Variants in PKNOX2 observed in about 807,000 individuals in gnomAD.
The protein encoded by PKNOX2 is PBX/knotted 1 homeobox 2, also known as homeobox protein PKNOX2.
PKNOX2 carries 14 observed loss-of-function variants against 53.1 expected under a neutral mutation model. That is an observed-to-expected ratio of 0.26 (90% CI 0.17 to 0.41). The LOEUF (loss-of-function observed/expected upper bound fraction) is 0.41. Ranked by LOEUF, PKNOX2 falls within the 10% of genes least tolerant of loss-of-function variation. The pLI is 1.00. For synonymous variants in PKNOX2, 257 were observed against 242.8 expected, an observed-to-expected ratio of 1.06 and a Z score of -0.54; for missense variants, 496 against 602.8, an observed-to-expected ratio of 0.82 and a Z score of 1.85.
At chr11:125,334,255 A>G (rs1297527145) in intron 3 of PKNOX2, among the ~76,000 whole-genome samples, 2 of 152,148 alleles carry the variant, frequency 1.3e-5, no homozygotes, top group African/African-American at 2.4e-5. Flanking sequence ...GGGAGCCCCA[A>G]ATGCTGATAT....
chr11:125,364,885 G>A (rs968203501), intron 4 of PKNOX2, among the ~76,000 whole-genome samples: 1 of 152,062 alleles, frequency 6.6e-6, no homozygotes, highest in South Asian at 2.1e-4. Context: ...CAGCCACCCA[G>A]CTGAAGCTCC....
chr11:125,383,476 G>T (rs943639601), intron 5 of PKNOX2, among the ~76,000 whole-genome samples: 1 of 148,026 alleles, frequency 6.8e-6, no homozygotes, highest in Non-Finnish European at 1.5e-5. Flanking sequence ...AATTAGTCAG[G>T]CATGATGGCG....
At position 125,166,712 on chromosome 11, in the gene PKNOX2, T is replaced by G. The variant is rs1049417077; in HGVS notation, c.-201+1936T>G. 5.7e-4 allele frequency among the ~76,000 whole-genome samples: 86 copies of G among 152,144 alleles called. 1 individual carries two copies. The highest frequency in any genetic ancestry group is 4.6e-4 in the Admixed American group (7 of 15,278). On this transcript the variant is annotated intron_variant, in intron 1 of 12. Transcript: ENST00000298282. The surrounding 1 kb of genome is among the most constrained non-coding windows in gnomAD (Gnocchi z 4.0). ...CCGGCTCAAACTCCAGTGCCCTGAT[T>G]GGAGCCGCTTCCTGTGCTTACCCGC...
At chr11:125,385,842 G>C in intron 6 of PKNOX2, 120 bp downstream of exon 6, 5 of 1,223,124 alleles carry the variant, frequency 4.1e-6, no homozygotes, top group Non-Finnish European at 5.6e-6. Flanking sequence ...TGCCCACCAT[G>C]AGTCATGCAC....
At position 125,425,624 on chromosome 11, in the gene PKNOX2, C is replaced by A. The variant is rs188006864; in HGVS notation, c.937-3388C>A. On this transcript the variant is annotated intron_variant, in intron 10 of 12. Transcript: ENST00000298282. ...TGATCCAATAATGATCAGAGAGCAG[C>A]CACTGTGCCTTGATGGTTTGCGTGA... 3.1e-4 allele frequency among the ~76,000 whole-genome samples: 47 copies of A among 152,194 alleles called. No homozygotes were observed. The East Asian group carries it at 8.9e-3, about 29-fold the overall frequency.
rs574924247 is a variant in PKNOX2 at position 125,340,103 on chromosome 11, A to G, written c.-23+8178A>G. On this transcript the variant is annotated intron_variant, in intron 3 of 12. Coordinates refer to ENST00000298282, the MANE Select transcript of PKNOX2 (RefSeq NM_001382323.2). Reference sequence around the variant, plus strand: ...AGAGCAAAATGCAATGAAATATTTAACAAAATGTGTACACACACTGCTGTA... The same window carrying G: ...AGAGCAAAATGCAATGAAATATTTAGCAAAATGTGTACACACACTGCTGTA... Among the ~76,000 whole-genome samples the G allele has an allele frequency of 2.0e-5, 3 of 152,326 alleles. No homozygotes were observed. In the South Asian group the frequency reaches 6.2e-4, roughly 32 times the overall value.
chr11:125,333,109 A>G (rs1046059025), intron 3 of PKNOX2, among the ~76,000 whole-genome samples: 1 of 152,174 alleles, frequency 6.6e-6, no homozygotes, highest in Admixed American at 6.5e-5. Flanking sequence ...TGTGTAGCAG[A>G]GTGATGTCAC....
intron 2 of PKNOX2, among the ~76,000 whole-genome samples, chr11:125,250,065 CAAAAAAAAAAAAAAA>C (rs35679690): frequency 1.6e-3 from 75 of 47,000 alleles, no homozygotes; most frequent in African/African-American, 6.3e-3. Context: ...AACTCTGTCT[CAAAAAAAAAAAAAAA>C]AAAAAAAAAA....
Position 125,165,777 on chromosome 11 carries a change from C to G in PKNOX2, c.-201+1001C>G, listed in dbSNP as rs1321825379. ...ATCGGGAGCCCTTCTGGCTCGAGAA[C>G]TAGGGGATGAGTTCGTAAAAGAGGG... On this transcript the variant is annotated intron_variant, in intron 1 of 12. Transcript: ENST00000298282. The surrounding 1 kb of genome is among the most constrained non-coding windows in gnomAD (Gnocchi z 4.5). 6.6e-6 allele frequency among the ~76,000 whole-genome samples: 1 copy of G among 152,152 alleles called. No individual in the cohort carries two copies. Among genetic ancestry groups the G allele is most frequent in the Non-Finnish European group, 1.5e-5 (1 of 68,020 alleles).
chr11:125,312,632 C>A (rs138393635), intron 2 of PKNOX2, among the ~76,000 whole-genome samples: 1 of 152,182 alleles, frequency 6.6e-6, no homozygotes, highest in African/African-American at 2.4e-5. Context: ...CCTGCCACCC[C>A]CCGAGTGTCA....
intron 10 of PKNOX2, among the ~76,000 whole-genome samples, chr11:125,413,063 G>T (rs925054959): frequency 3.9e-5 from 6 of 152,190 alleles, no homozygotes; most frequent in South Asian, 4.1e-4. Context: ...CCGGAGCTCG[G>T]CATCTCCCCA....
chr11:125,195,867 C>G (rs1937613176), intron 1 of PKNOX2, among the ~76,000 whole-genome samples: 1 of 143,160 alleles, frequency 7.0e-6, no homozygotes, highest in African/African-American at 2.6e-5. Context: ...AATTCTCTCC[C>G]AAGGAATATG....
chr11:125,311,135 C>T (rs1453736348), intron 2 of PKNOX2, among the ~76,000 whole-genome samples: 1 of 152,212 alleles, frequency 6.6e-6, no homozygotes, highest in African/African-American at 2.4e-5. Context: ...GCTTTTTACT[C>T]TTCCATGCCT....
In PKNOX2 at chr11:125,352,243, T is replaced by G. The variant is rs1301827601; in HGVS notation, c.87+851T>G. Among the ~76,000 whole-genome samples the G allele has an allele frequency of 6.6e-6, 1 of 152,198 alleles. No individual in the cohort carries two copies. The highest frequency in any genetic ancestry group is 1.9e-4 in the East Asian group (1 of 5,192). On this transcript the variant is annotated intron_variant, in intron 4 of 12. Transcript: ENST00000298282. This position sits in a 1 kb window ranked among gnomAD's most constrained non-coding sequence, Gnocchi z 4.1. Reference sequence around the variant, plus strand: ...TCTGTGCTTTCACAGAAGCCTTCATTCTCTGACCCTTCCCTTCACACTCTC... The same window carrying G: ...TCTGTGCTTTCACAGAAGCCTTCATGCTCTGACCCTTCCCTTCACACTCTC...
chr11:125,426,632 C>G (rs1459687815), intron 10 of PKNOX2, among the ~76,000 whole-genome samples: 3 of 142,578 alleles, frequency 2.1e-5, no homozygotes, highest in Non-Finnish European at 4.7e-5. Flanking sequence ...GCCACTAGCT[C>G]TGCTCAAGAA....
At chr11:125,429,614 C>T (rs964579356) in intron 11 of PKNOX2, among the ~76,000 whole-genome samples, 1 of 152,168 alleles carries the variant, frequency 6.6e-6, no homozygotes, top group African/African-American at 2.4e-5. Context: ...TGGAAGTAGA[C>T]CCCAGAGCTG....
rs1350699774 is a variant in PKNOX2, at chr11:125,165,064, A to C, written c.-201+288A>C. On this transcript the variant is annotated intron_variant, in intron 1 of 12. Transcript: ENST00000298282. The surrounding 1 kb of genome is among the most constrained non-coding windows in gnomAD (Gnocchi z 4.5). The stretch of plus-strand genomic sequence containing the variant: ...GCGCCGGGAGAGCGCGGAGCGGAGC[A>C]GCGCGAGGGGCGGCGAGGCCGGGCA... Among the ~76,000 whole-genome samples, 17 of 150,428 alleles carry C rather than the reference A, an allele frequency of 1.1e-4. No individual in the cohort carries two copies. The highest frequency in any genetic ancestry group is 1.1e-3 in the Admixed American group (17 of 15,170).
intron 2 of PKNOX2, among the ~76,000 whole-genome samples, chr11:125,320,137 T>C (rs564284955): frequency 1.6e-4 from 25 of 152,342 alleles, no homozygotes; most frequent in African/African-American, 5.5e-4. Flanking sequence ...CTCATTTTAG[T>C]GAGCAGAAGT....
At chr11:125,426,431 TGC>T (rs1956424404) in intron 10 of PKNOX2, among the ~76,000 whole-genome samples, 1 of 152,268 alleles carries the variant, frequency 6.6e-6, no homozygotes. Flanking sequence ...ATCTTTCACT[TGC>T]CAGCACCCAG....
Sources: gnomAD v4.1 joint callset for allele counts (sites outside exome capture counted in the v4.1 genomes callset) on GRCh38, gnomAD v4.1.1 for gene constraint, Gnocchi (gnomAD v3.1) non-coding constraint, MANE v1.5 for transcripts, NCBI Gene and HGNC (gene_info 2026-07-23, HGNC 2026-07-21) for gene names.